FXR1: variants seen among roughly 807,000 people sequenced by gnomAD.
FXR1 encodes the protein FMR1 autosomal homolog 1.
A neutral mutation model predicts 84.0 loss-of-function variants in FXR1; 15 were observed. That is an observed-to-expected ratio of 0.18 (90% CI 0.12 to 0.27). The LOEUF (loss-of-function observed/expected upper bound fraction) is 0.27, where lower values mean the gene tolerates loss of function less well. Among genes scored for constraint, FXR1 ranks in the 10% least tolerant of loss-of-function variants. The pLI, the probability that FXR1 is intolerant of heterozygous loss-of-function variation, is 1.00. For missense variants in FXR1, 480 were observed against 774.4 expected (o/e 0.62, Z 4.51); for synonymous variants, 245 against 250.7 (o/e 0.98, Z 0.21).
chr3:180,914,947 C>CG lies in FXR1; in HGVS notation c.51+2213dup, dbSNP rs1320033151. Reference sequence around the variant, plus strand: ...CAGAACTCTGGAAGAATGAGAATGGCGGAGTGGAAAAGAGTCCTGGATTTG... The same window carrying CG: ...CAGAACTCTGGAAGAATGAGAATGGCGGGAGTGGAAAAGAGTCCTGGATTTG... On this transcript the variant is annotated intron_variant, in intron 1 of 16. Coordinates refer to ENST00000357559, the MANE Select transcript of FXR1 (RefSeq NM_005087.4). 3 of 983,944 alleles carry CG rather than the reference C, an allele frequency of 3.0e-6. No homozygotes were observed. The African/African-American group carries it at 5.2e-5, about 17-fold the overall frequency. The allele number at this position is 983,944 out of a possible 1,614,324, so 61.0% of individuals were successfully genotyped here.
rs1294238683 is a variant in FXR1, at chr3:180,981,539, GATGGCCAGT to G, written c.*5249_*5257del. 1 of 152,040 alleles carries G rather than the reference GATGGCCAGT, an allele frequency of 6.6e-6. No homozygotes were observed. Among genetic ancestry groups the G allele is most frequent in the Non-Finnish European group, 1.5e-5 (1 of 67,970 alleles). The allele number at this position is 152,040 out of a possible 1,614,324, so 9.4% of individuals were successfully genotyped here. A position where few individuals can be genotyped will look rare whatever the true frequency, so the allele number is the denominator to read the frequency against. On this transcript the variant is annotated 3_prime_UTR_variant, in exon 17 of 17. Coordinates refer to ENST00000357559, the MANE Select transcript of FXR1 (RefSeq NM_005087.4). ...AGGACTCATTTCTAATGTCAACCCA[GATGGCCAGT>G]AAAGGCAAGGGAAGAGGCTAAGTGA...
chr3:180,945,936 A>G (rs956068806), intron 3 of FXR1, among the ~76,000 whole-genome samples: 4 of 152,076 alleles, frequency 2.6e-5, no homozygotes, highest in African/African-American at 9.7e-5. Context: ...TACATTGAGA[A>G]CATTCATCTA....
chr3:180,923,836 C>A (rs897744835), intron 1 of FXR1, among the ~76,000 whole-genome samples: 1 of 151,958 alleles, frequency 6.6e-6, no homozygotes, highest in Non-Finnish European at 1.5e-5. Context: ...AGTGATCTTC[C>A]CCGCTCAGTC....
intron 14 of FXR1, among the ~76,000 whole-genome samples, chr3:180,968,598 C>A (rs1247662747): frequency 6.6e-6 from 1 of 151,898 alleles, no homozygotes; most frequent in Non-Finnish European, 1.5e-5. Context: ...CCAGACAGAC[C>A]CAGAGATTTC....
intron 15 of FXR1, chr3:180,971,300 A>G (rs1171859333): frequency 5.5e-6 from 1 of 180,218 alleles, no homozygotes; most frequent in African/African-American, 2.4e-5. Flanking sequence ...TTATTCAACT[A>G]ATAAGACTAC....
intron 1 of FXR1, among the ~76,000 whole-genome samples, chr3:180,924,292 C>T (rs1718919159): frequency 6.6e-6 from 1 of 152,090 alleles, no homozygotes; most frequent in Non-Finnish European, 1.5e-5. Flanking sequence ...CACAGAAACA[C>T]AGTTTCTCAG....
chr3:180,965,434 A>G (rs1712696804), intron 13 of FXR1, among the ~76,000 whole-genome samples: 1 of 152,172 alleles, frequency 6.6e-6, no homozygotes, highest in Non-Finnish European at 1.5e-5. Context: ...TTTGTTTTCT[A>G]TTGCAGTAAT....
chr3:180,938,526 T>C (rs1720774867), intron 3 of FXR1, among the ~76,000 whole-genome samples: 1 of 152,106 alleles, frequency 6.6e-6, no homozygotes, highest in Admixed American at 6.6e-5. Context: ...GTCCTTGCAT[T>C]TTATGGCTGA....
At chr3:180,925,598 G>A (rs945233848) in intron 1 of FXR1, among the ~76,000 whole-genome samples, 3 of 152,136 alleles carry the variant, frequency 2.0e-5, no homozygotes, top group East Asian at 3.9e-4. Flanking sequence ...CCAAGTTTGA[G>A]TACTAAAGAG....
intron 10 of FXR1, 98 bp from the exon 11 acceptor site, chr3:180,961,357 AAAAAAAAAAAGGT>A: frequency 4.7e-6 from 2 of 425,816 alleles, no homozygotes; most frequent in African/African-American, 3.3e-5. Flanking sequence ...AAAAAAAAAA[AAAAAAAAAAAGGT>A]GTGTGTGTGT....
intron 1 of FXR1, among the ~76,000 whole-genome samples, chr3:180,931,838 T>C (rs1183921857): frequency 6.9e-6 from 1 of 145,864 alleles, no homozygotes; most frequent in Non-Finnish European, 1.5e-5. Flanking sequence ...CCTCCCAGGC[T>C]CAAGTGATCC....
At chr3:180,976,011 T>TCC in intron 16 of FXR1, 111 bp from the exon 17 acceptor site, 2 of 703,540 alleles carry the variant, frequency 2.8e-6, no homozygotes, top group South Asian at 4.0e-5. Flanking sequence ...TCCATTGTGG[T>TCC]ATATAAAACT....
chr3:180,946,127 C>T (rs748866431), intron 3 of FXR1, among the ~76,000 whole-genome samples: 10 of 152,144 alleles, frequency 6.6e-5, no homozygotes, highest in African/African-American at 1.4e-4. Flanking sequence ...AACTGGTCAA[C>T]GGTAGCTAAA....
At position 180,963,070 on chromosome 3, in the gene FXR1, C is replaced by T. The variant is rs756027612; in HGVS notation, c.1178C>T (p.Pro393Leu). The change falls in exon 13 of 17, where the codon CCT becomes CTT. Residue 393 changes from proline (P) to leucine (L), a missense_variant. Coordinates refer to ENST00000357559, the MANE Select transcript of FXR1 (RefSeq NM_005087.4). ...YSGRGRGRRG[P>L]NYTSGYGTNS... is the part of the protein sequence containing the mutation. ...GGAAGAGGCAGAGGTCGTCGGGGAC[C>T]TAATTACACCTCCGGTTATGGTAAA... 6.4e-7 allele frequency: 1 copy of T among 1,554,070 alleles called. No homozygotes were observed. Among genetic ancestry groups the T allele is most frequent in the Non-Finnish European group, 8.8e-7 (1 of 1,131,746 alleles).
At chr3:180,926,942 G>A (rs1719299090) in intron 1 of FXR1, among the ~76,000 whole-genome samples, 1 of 152,008 alleles carries the variant, frequency 6.6e-6, no homozygotes, top group African/African-American at 2.4e-5. Flanking sequence ...TTCCTGAAGG[G>A]ACATCTGTAC....
At chr3:180,972,204 C>T (rs571614269) in intron 15 of FXR1, among the ~76,000 whole-genome samples, 9 of 152,130 alleles carry the variant, frequency 5.9e-5, no homozygotes, top group African/African-American at 9.7e-5. Context: ...TGGCTCATAC[C>T]TGTAATCCCA....
intron 3 of FXR1, among the ~76,000 whole-genome samples, chr3:180,945,448 A>G (rs1185005883): frequency 6.6e-6 from 1 of 152,170 alleles, no homozygotes; most frequent in Non-Finnish European, 1.5e-5. Context: ...TCTGTCACCC[A>G]GGGTTGAGTG....
intron 16 of FXR1, among the ~76,000 whole-genome samples, 166 bp downstream of exon 16, chr3:180,975,570 A>G (rs779392654): frequency 2.2e-4 from 34 of 152,328 alleles, no homozygotes; most frequent in Non-Finnish European, 4.0e-4. Flanking sequence ...AACTAAAGAT[A>G]TGCATGCTTG....
intron 9 of FXR1, among the ~76,000 whole-genome samples, chr3:180,954,680 C>T (rs879284604): frequency 2.1e-4 from 32 of 151,920 alleles, no homozygotes; most frequent in Admixed American, 4.6e-4. Flanking sequence ...AGGAGGGGGA[C>T]GAGTTTTTGT....
Sources: allele counts gnomAD v4.1 joint callset (sites outside exome capture counted in the v4.1 genomes callset), GRCh38; gene constraint gnomAD v4.1.1; transcripts MANE v1.5; gene names NCBI Gene and HGNC (gene_info 2026-07-23, HGNC 2026-07-21).